UBE2L3: variants seen among roughly 807,000 people sequenced by gnomAD.
The protein encoded by UBE2L3 is ubiquitin-conjugating enzyme E2 L3.
UBE2L3 carries 1 observed loss-of-function variant against 17.8 expected under a neutral mutation model. The observed-to-expected ratio is 0.06, with a 90% CI of 0.02 to 0.27. UBE2L3 has a LOEUF of 0.27. Among genes scored for constraint, UBE2L3 ranks in the 10% least tolerant of loss-of-function variants. UBE2L3 has a pLI of 1.00. For synonymous variants in UBE2L3, 44 were observed against 68.5 expected, an observed-to-expected ratio of 0.64 and a Z score of 1.76; for missense variants, 40 against 192.6, an observed-to-expected ratio of 0.21 and a Z score of 4.69.
At chr22:21,576,824 G>C (rs1220258533) in intron 1 of UBE2L3, among the ~76,000 whole-genome samples, 1 of 92,350 alleles carries the variant, frequency 1.1e-5, no homozygotes, top group Non-Finnish European at 2.0e-5. Context: ...TTTTTTTTGA[G>C]ACGCAGTCTC....
intron 1 of UBE2L3, among the ~76,000 whole-genome samples, chr22:21,584,278 A>G (rs998275946): frequency 3.3e-5 from 5 of 151,276 alleles, no homozygotes; most frequent in Non-Finnish European, 4.4e-5. Context: ...CCCGGGTTCA[A>G]GCGATTCTTC....
chr22:21,586,686 C>T (rs1398837551), intron 1 of UBE2L3, among the ~76,000 whole-genome samples: 1 of 151,678 alleles, frequency 6.6e-6, no homozygotes, highest in African/African-American at 2.4e-5. Flanking sequence ...TCCAACCTCA[C>T]CCTCCCAAGT....
chr22:21,572,902 T>G (rs1275959838), intron 1 of UBE2L3, among the ~76,000 whole-genome samples: 1 of 152,158 alleles, frequency 6.6e-6, no homozygotes. Flanking sequence ...CCTTCTCGGC[T>G]CTTCCTCCCT....
chr22:21,614,748 G>T lies in UBE2L3; in HGVS notation c.310+3705G>T, dbSNP rs1929677467. 6.8e-6 allele frequency: 6 copies of T among 880,584 alleles called. No individual in the cohort carries two copies. The African/African-American group carries it at 1.1e-4, about 15-fold the overall frequency. The allele number at this position is 880,584 out of a possible 1,614,324, so 54.5% of individuals were successfully genotyped here. A position where few individuals can be genotyped will look rare whatever the true frequency, so the allele number is the denominator to read the frequency against. ...CACTCTTAGCTATATCTACCCAAGA[G>T]AAATGAAAACATATGCCCAATAAAA... is the stretch of plus-strand genomic sequence containing the variant. On this transcript the variant is annotated intron_variant, in intron 3 of 3. Transcript: ENST00000342192.
chr22:21,561,835 C>G (rs1334282351), intron 1 of UBE2L3, among the ~76,000 whole-genome samples: 2 of 152,226 alleles, frequency 1.3e-5, no homozygotes, highest in Admixed American at 1.3e-4. Context: ...CCTGCATGCT[C>G]TAGATGAGGT....
chr22:21,566,127 C>T (rs1926624104), upstream of UBE2L3, among the ~76,000 whole-genome samples: 1 of 151,938 alleles, frequency 6.6e-6, no homozygotes, highest in Admixed American at 6.6e-5. Context: ...CGCCCACCAC[C>T]ACACCTGGCT....
At chr22:21,560,872 G>A (rs1471068629) in intron 1 of UBE2L3, among the ~76,000 whole-genome samples, 3 of 152,264 alleles carry the variant, frequency 2.0e-5, no homozygotes, top group Non-Finnish European at 4.4e-5. Context: ...CTAGGTCAGA[G>A]GACAGTCCTT....
At chr22:21,586,049 A>G (rs1416699054) in intron 1 of UBE2L3, among the ~76,000 whole-genome samples, 1 of 151,956 alleles carries the variant, frequency 6.6e-6, no homozygotes. Context: ...GGTCATCCCA[A>G]GTCAGCCTCC....
At chr22:21,583,170 GCATA>G (rs1264344350) in intron 1 of UBE2L3, among the ~76,000 whole-genome samples, 1 of 152,096 alleles carries the variant, frequency 6.6e-6, no homozygotes, top group Non-Finnish European at 1.5e-5. Context: ...CCATGTCTCT[GCATA>G]CACATTTCCC....
chr22:21,583,019 G>A (rs1274325955), intron 1 of UBE2L3, among the ~76,000 whole-genome samples: 1 of 152,132 alleles, frequency 6.6e-6, no homozygotes, highest in Non-Finnish European at 1.5e-5. Context: ...CTGCATAGGG[G>A]TATTAAACAG....
intron 3 of UBE2L3, 34 bp downstream of exon 3, chr22:21,611,077 G>A: frequency 6.5e-7 from 1 of 1,543,020 alleles, no homozygotes; most frequent in South Asian, 1.3e-5. Context: ...CTCGGAGGGG[G>A]TCTTTGGGGG....
At chr22:21,597,737 A>C (rs1009941782) in intron 2 of UBE2L3, among the ~76,000 whole-genome samples, 1 of 104,650 alleles carries the variant, frequency 9.6e-6, no homozygotes, top group Non-Finnish European at 2.0e-5. Context: ...TTATAGTTTT[A>C]GCTCTTAAAT....
chr22:21,561,257 A>C (rs1166991211), intron 1 of UBE2L3, among the ~76,000 whole-genome samples: 1 of 152,300 alleles, frequency 6.6e-6, no homozygotes, highest in African/African-American at 2.4e-5. Context: ...GGAGTCACAG[A>C]GATGCTGGGT....
chr22:21,579,598 C>T (rs901651852), intron 1 of UBE2L3, among the ~76,000 whole-genome samples: 9 of 152,006 alleles, frequency 5.9e-5, no homozygotes, highest in South Asian at 4.1e-4. Flanking sequence ...TAGTGAGACC[C>T]TGTCTCTGCA....
intron 1 of UBE2L3, among the ~76,000 whole-genome samples, chr22:21,576,391 A>G (rs956570518): frequency 4.0e-5 from 6 of 148,380 alleles, no homozygotes; most frequent in African/African-American, 1.5e-4. Context: ...TCCACCTCCC[A>G]GGTTCACGCC....
intron 2 of UBE2L3, among the ~76,000 whole-genome samples, chr22:21,603,659 C>T (rs183020172): frequency 5.5e-4 from 83 of 150,692 alleles, no homozygotes; most frequent in Non-Finnish European, 8.9e-4. Flanking sequence ...CTGGTTAACA[C>T]GGTGAAACCC....
chr22:21,615,627 C>A (rs1201355289), intron 3 of UBE2L3, among the ~76,000 whole-genome samples: 3 of 151,868 alleles, frequency 2.0e-5, no homozygotes, highest in Admixed American at 6.6e-5. Context: ...TTGTATGATT[C>A]CATTTGTAGT....
intron 1 of UBE2L3, among the ~76,000 whole-genome samples, chr22:21,591,377 G>A (rs1474145660): frequency 6.6e-6 from 1 of 152,230 alleles, no homozygotes; most frequent in African/African-American, 2.4e-5. Flanking sequence ...CCAGGTGATT[G>A]TGGTGGGCAG....
At chr22:21,587,425 C>T (rs934042440) in intron 1 of UBE2L3, among the ~76,000 whole-genome samples, 15 of 151,680 alleles carry the variant, frequency 9.9e-5, no homozygotes, top group South Asian at 8.4e-4. Context: ...GTGATCCACC[C>T]GCCTTGGCCT....
Sources: allele counts gnomAD v4.1 joint callset (sites outside exome capture counted in the v4.1 genomes callset), GRCh38; gene constraint gnomAD v4.1.1; transcripts MANE v1.5; gene names NCBI Gene and HGNC (gene_info 2026-07-23, HGNC 2026-07-21).